Variants in OPCML observed in about 807,000 individuals in gnomAD.
OPCML encodes opioid-binding protein/cell adhesion molecule.
A neutral mutation model predicts 37.8 loss-of-function variants in OPCML; 13 were observed. That is an observed-to-expected ratio of 0.34 (90% CI 0.22 to 0.55). The LOEUF is 0.55. Ranked by LOEUF, OPCML falls within the 20% of genes least tolerant of loss-of-function variation. The pLI is 0.91. For missense variants in OPCML, 341 were observed against 435.6 expected (o/e 0.78, Z 1.93); for synonymous variants, 176 against 168.8 (o/e 1.04, Z -0.33).
intron 1 of OPCML, among the ~76,000 whole-genome samples, chr11:133,254,291 T>C (rs889687504): frequency 3.9e-5 from 6 of 152,110 alleles, no homozygotes; most frequent in African/African-American, 1.2e-4. Flanking sequence ...AAGAACTATG[T>C]GATGAGAGAG....
At chr11:132,670,709 T>C (rs151321881) in intron 2 of OPCML, among the ~76,000 whole-genome samples, 48 of 152,308 alleles carry the variant, frequency 3.2e-4, no homozygotes, top group African/African-American at 1.2e-3. Flanking sequence ...AAACTATAGA[T>C]TGTAGTGAAT....
intron 1 of OPCML, among the ~76,000 whole-genome samples, chr11:133,344,655 C>T (rs572424603): frequency 2.8e-4 from 42 of 152,312 alleles, no homozygotes; most frequent in Admixed American, 7.8e-4. Flanking sequence ...GAGAACCCCC[C>T]ACACTTCTAT....
At chr11:133,178,786 G>A (rs1045978114) in intron 1 of OPCML, among the ~76,000 whole-genome samples, 2 of 152,152 alleles carry the variant, frequency 1.3e-5, no homozygotes, top group African/African-American at 4.8e-5. Flanking sequence ...TAGTTTGGGG[G>A]AGTTTAATAA....
At position 132,841,860 on chromosome 11, in the gene OPCML, C is replaced by CAAAAAAAAAA. The variant is rs71067402; in HGVS notation, c.146+101056_146+101065dup. Among the ~76,000 whole-genome samples, 65 of 34,692 alleles carry CAAAAAAAAAA rather than the reference C, an allele frequency of 1.9e-3. 3 individuals carry two copies. The highest frequency in any genetic ancestry group is 2.6e-3 in the Non-Finnish European group (54 of 20,710). The allele number at this position is 34,692 out of a possible 152,430, so 22.8% of individuals were successfully genotyped here. A position where few individuals can be genotyped will look rare whatever the true frequency, so the allele number is the denominator to read the frequency against. On this transcript the variant is annotated intron_variant, in intron 2 of 7. Transcript: ENST00000524381. ...TGGGTGACAGAATGACACTCTATCT[C>CAAAAAAAAAA]AAAAAAAAAAAAAAAAAAAAAAAAA... is the stretch of plus-strand genomic sequence containing the variant.
chr11:132,892,105 A>G (rs976357478), intron 2 of OPCML, among the ~76,000 whole-genome samples: 2 of 152,340 alleles, frequency 1.3e-5, no homozygotes, highest in East Asian at 3.9e-4. Context: ...CTTCTCCTCC[A>G]TCGCTTTTAA....
chr11:132,976,431 A>G (rs1275701775), intron 1 of OPCML, among the ~76,000 whole-genome samples: 1 of 152,192 alleles, frequency 6.6e-6, no homozygotes, highest in Non-Finnish European at 1.5e-5. Flanking sequence ...GCAGCCATTT[A>G]TGAATCTCTA....
At chr11:132,717,328 A>G (rs1395711320) in intron 2 of OPCML, among the ~76,000 whole-genome samples, 1 of 152,226 alleles carries the variant, frequency 6.6e-6, no homozygotes, top group Non-Finnish European at 1.5e-5. Context: ...ATATTTAATA[A>G]CAGACGTGGA....
At chr11:133,125,977 T>C (rs900440698) in intron 1 of OPCML, among the ~76,000 whole-genome samples, 1 of 150,070 alleles carries the variant, frequency 6.7e-6, no homozygotes, top group Non-Finnish European at 1.5e-5. Context: ...TATACATGTA[T>C]ATATAGACAC....
At chr11:133,098,723 G>A (rs1321268031) in intron 1 of OPCML, among the ~76,000 whole-genome samples, 1 of 152,126 alleles carries the variant, frequency 6.6e-6, no homozygotes, top group African/African-American at 2.4e-5. Context: ...ACCATACTTA[G>A]TGGTGAGAAA....
At chr11:133,379,863 C>T (rs1156485567) in intron 1 of OPCML, among the ~76,000 whole-genome samples, 1 of 152,200 alleles carries the variant, frequency 6.6e-6, no homozygotes, top group East Asian at 1.9e-4. Flanking sequence ...AACCCAACAC[C>T]TCCCCAGCTT....
In OPCML at chr11:133,089,766, A is replaced by C. The variant is rs556918829; in HGVS notation, c.62-146756T>G. Among the ~76,000 whole-genome samples, 522 of 114,336 alleles carry C rather than the reference A, an allele frequency of 4.6e-3. 8 individuals carry two copies. Among genetic ancestry groups the C allele is most frequent in the African/African-American group, 0.016 (352 of 22,474 alleles). The allele number at this position is 114,336 out of a possible 152,430, so 75.0% of individuals were successfully genotyped here. On this transcript the variant is annotated intron_variant, in intron 1 of 7. Coordinates refer to ENST00000524381, the MANE Select transcript of OPCML (RefSeq NM_001012393.5). ...GAAGGGGGGACTTCAACCAACCCCT[A>C]AAAAAAAAAACCCAGTGGCTTATGT...
intron 3 of OPCML, among the ~76,000 whole-genome samples, chr11:132,576,483 A>C (rs2096451133): frequency 6.6e-6 from 1 of 151,716 alleles, no homozygotes; most frequent in Non-Finnish European, 1.5e-5. Context: ...TTTTGTTGGC[A>C]TTTAAAAAAT....
intron 1 of OPCML, among the ~76,000 whole-genome samples, chr11:133,011,842 C>T (rs1947224070): frequency 6.6e-6 from 1 of 152,142 alleles, no homozygotes; most frequent in Non-Finnish European, 1.5e-5. Context: ...AAATAGCATG[C>T]ATTGAAAGGC....
At chr11:133,055,796 C>A in intron 1 of OPCML, among the ~76,000 whole-genome samples, 1 of 148,894 alleles carries the variant, frequency 6.7e-6, no homozygotes, top group African/African-American at 2.5e-5. Context: ...CTGTACAATG[C>A]TGCCTCCATG....
chr11:132,882,173 T>C (rs1943246711), intron 2 of OPCML, among the ~76,000 whole-genome samples: 1 of 152,234 alleles, frequency 6.6e-6, no homozygotes, highest in South Asian at 2.1e-4. Flanking sequence ...GAAATAGAGT[T>C]GTACATTTTC....
intron 1 of OPCML, among the ~76,000 whole-genome samples, chr11:133,430,733 T>G (rs1246560170): frequency 1.3e-5 from 2 of 152,362 alleles, no homozygotes; most frequent in African/African-American, 4.8e-5. Flanking sequence ...GCAATGCCAC[T>G]GCCTAATGTG....
Position 133,420,882 on chromosome 11 carries a change from C to T in OPCML, c.61+111382G>A, listed in dbSNP as rs74817555. 16,584 of 985,228 alleles carry T rather than the reference C, an allele frequency of 0.017. 1,380 individuals carry two copies. In the African/African-American group the frequency reaches 0.21, roughly 13 times the overall value. 61.0% of individuals were successfully genotyped at this position (985,228 alleles called of 1,614,324 possible). A position where few individuals can be genotyped will look rare whatever the true frequency, so the allele number is the denominator to read the frequency against. On this transcript the variant is annotated intron_variant, in intron 1 of 7. Coordinates refer to ENST00000524381, the MANE Select transcript of OPCML (RefSeq NM_001012393.5). ...CAGTTACAAGTTCCATTTATATGAGCGTCTCATGAGCCTTCAAGGAAAACA... is the reference window on the plus strand; with the variant it reads ...CAGTTACAAGTTCCATTTATATGAGTGTCTCATGAGCCTTCAAGGAAAACA...
intron 4 of OPCML, among the ~76,000 whole-genome samples, chr11:132,456,582 A>G (rs2136883229): frequency 6.6e-6 from 1 of 152,320 alleles, no homozygotes; most frequent in East Asian, 1.9e-4. Context: ...TCCACAAATG[A>G]TAAATGATTC....
chr11:132,625,930 A>G (rs1256293944), intron 3 of OPCML, among the ~76,000 whole-genome samples: 1 of 152,088 alleles, frequency 6.6e-6, no homozygotes, highest in Non-Finnish European at 1.5e-5. Flanking sequence ...TTCTCCATGC[A>G]TATTGGCCAC....
Sources: gnomAD v4.1 joint callset for allele counts (sites outside exome capture counted in the v4.1 genomes callset) on GRCh38, gnomAD v4.1.1 for gene constraint, MANE v1.5 for transcripts, NCBI Gene and HGNC (gene_info 2026-07-23, HGNC 2026-07-21) for gene names.